The following HOXA11 variants were observed in gnomAD, a reference collection of about 807,000 sequenced individuals.
HOXA11 encodes the protein homeobox protein Hox-A11.
Under a neutral mutation model 22.5 loss-of-function variants are expected in HOXA11, and 8 were observed. The ratio of observed to expected loss-of-function variants is 0.36; its 90% CI spans 0.21 to 0.64. The LOEUF (loss-of-function observed/expected upper bound fraction) is 0.64, where lower values mean the gene tolerates loss of function less well. Ranked by LOEUF, HOXA11 falls within the 30% of genes least tolerant of loss-of-function variation. The probability of loss-of-function intolerance (pLI) is 0.67; values close to 1 mark genes in which losing one functional copy is unlikely to be tolerated. For missense variants in HOXA11, 388 were observed against 429.0 expected, an observed-to-expected ratio of 0.90 and a Z score of 0.84; for synonymous variants, 211 against 188.4, an observed-to-expected ratio of 1.12 and a Z score of -0.98.
rs1166430826 is a variant in HOXA11, at chr7:27,185,188, G to T, written c.-44C>A. The T allele has an allele frequency of 6.2e-7, 1 of 1,612,744 alleles. No individual in the cohort carries two copies. Among genetic ancestry groups the T allele is most frequent in the Non-Finnish European group, 8.5e-7 (1 of 1,179,836 alleles). On this transcript the variant is annotated 5_prime_UTR_variant, in exon 1 of 2. Transcript: ENST00000006015. ...TCTCCGCAGTAGCCGAGCTTAACAT[G>T]ATTCTCCACTGCAGCTGCCTCTTTG...
In HOXA11 at chr7:27,185,231, A is replaced by C. The variant is rs1229869687; in HGVS notation, c.-87T>G. 1 of 1,568,828 alleles carries C rather than the reference A, an allele frequency of 6.4e-7. No individual in the cohort carries two copies. The highest frequency in any genetic ancestry group is 1.1e-5 in the South Asian group (1 of 89,436). On this transcript the variant is annotated 5_prime_UTR_variant, in exon 1 of 2. Transcript: ENST00000006015. ...CCTCTTTGAAGCGGATCCGTGAAGT[A>C]GAAATTTGGAGACGTAAGCTGACGT... is the stretch of plus-strand genomic sequence containing the variant.
chr7:27,184,314 A>T (rs1783821046), intron 1 of HOXA11, 122 bp downstream of exon 1: 2 of 936,232 alleles, frequency 2.1e-6, no homozygotes, highest in East Asian at 3.2e-5. Flanking sequence ...GTTGGGGGAA[A>T]CCTAAAGGCC....
chr7:27,183,836 A>G (rs1380920294), intron 1 of HOXA11, among the ~76,000 whole-genome samples: 1 of 151,618 alleles, frequency 6.6e-6, no homozygotes, highest in East Asian at 1.9e-4. Context: ...AATAACATGC[A>G]GTTGGGCAGA....
At chr7:27,183,619 T>C (rs569093172) in intron 1 of HOXA11, among the ~76,000 whole-genome samples, 1 of 152,178 alleles carries the variant, frequency 6.6e-6, no homozygotes, top group Non-Finnish European at 1.5e-5. Context: ...CCCCCTACCC[T>C]AGGCCTTCGC....
rs950083952 is a variant in HOXA11 at position 27,182,157 on chromosome 7, A to G, written c.*639T>C. ...AGGTGGGCTGTAGGAGGCGGTGGCTAGGAACTCAGGGCTGGATCAGTGTGG... is the reference window on the plus strand; with the variant it reads ...AGGTGGGCTGTAGGAGGCGGTGGCTGGGAACTCAGGGCTGGATCAGTGTGG... On this transcript the variant is annotated 3_prime_UTR_variant, in exon 2 of 2. Transcript: ENST00000006015. 5 of 237,504 alleles carry G rather than the reference A, an allele frequency of 2.1e-5. No homozygotes were observed. The highest frequency in any genetic ancestry group is 6.0e-5 in the East Asian group (1 of 16,668). The allele number at this position is 237,504 out of a possible 1,614,324, so 14.7% of individuals were successfully genotyped here.
intron 1 of HOXA11, 118 bp downstream of exon 1, chr7:27,184,318 A>G (rs1783821111): frequency 2.0e-6 from 2 of 1,003,172 alleles, no homozygotes; most frequent in Non-Finnish European, 2.9e-6. Context: ...GGGGAAACCT[A>G]AAGGCCCTTC....
rs1048331151 is a variant in HOXA11, at chr7:27,181,169, C to T, written c.*1627G>A. Among the ~76,000 whole-genome samples the T allele has an allele frequency of 3.1e-5, 4 of 130,448 alleles. No individual in the cohort carries two copies. The highest frequency in any genetic ancestry group is 1.2e-4 in the African/African-American group (4 of 34,702). The allele number at this position is 130,448 out of a possible 152,430, so 85.6% of individuals were successfully genotyped here. ...CACACCAGGATACTCAAATTTCCACCGTCTTTATTTTCCTTGTGCCCAGTT... is the reference window on the plus strand; with the variant it reads ...CACACCAGGATACTCAAATTTCCACTGTCTTTATTTTCCTTGTGCCCAGTT... On this transcript the variant is annotated 3_prime_UTR_variant, in exon 2 of 2. Coordinates refer to ENST00000006015, the MANE Select transcript of HOXA11 (RefSeq NM_005523.6).
chr7:27,184,782 T>A lies in HOXA11; in HGVS notation c.363A>T (p.Ala121=). ...CGGTGCTATAGAAATTGGACGAGACTGCGGGGGTGGGGTGGTGGTAGACGT... is the reference window on the plus strand; with the variant it reads ...CGGTGCTATAGAAATTGGACGAGACAGCGGGGGTGGGGTGGTGGTAGACGT... ...SANVYHHPTP[A]VSSNFYSTVG... Residue 121 remains alanine, a synonymous_variant, in exon 1 of 2, where the codon GCA becomes GCT. Transcript: ENST00000006015. 1 of 1,613,864 alleles carries A rather than the reference T, an allele frequency of 6.2e-7. No individual in the cohort carries two copies. Among genetic ancestry groups the A allele is most frequent in the Non-Finnish European group, 8.5e-7 (1 of 1,179,948 alleles).
chr7:27,185,063 A>G lies in HOXA11; in HGVS notation c.82T>C (p.Ser28Pro). Residue 28 changes from serine to proline, a missense_variant, in exon 1 of 2, where the codon TCC (serine) becomes CCC (proline). Ser to Pro is a moderately conservative substitution (Grantham distance 74). Around this residue, in one of 4 missense-constraint regions of HOXA11, gnomAD observed 12 missense variants for 30.6 expected, o/e 0.39. Coordinates refer to ENST00000006015, the MANE Select transcript of HOXA11 (RefSeq NM_005523.6). The part of the protein sequence containing the change: ...CTYYVSGPDF[S>P]SLPSFLPQTP... The stretch of plus-strand genomic sequence containing the variant: ...TGGGGCAGAAAAGAAGGGAGGCTGG[A>G]GAAATCTGGACCCGAGACGTAGTAA... The G allele has an allele frequency of 6.2e-7, 1 of 1,614,182 alleles. No homozygotes were observed. Among genetic ancestry groups the G allele is most frequent in the South Asian group, 1.1e-5 (1 of 91,084 alleles).
In HOXA11 at chr7:27,184,798, T is replaced by C. The variant is rs1583441700; in HGVS notation, c.347A>G (p.His116Arg). The C allele has an allele frequency of 6.2e-7, 1 of 1,613,780 alleles. No individual in the cohort carries two copies. Among genetic ancestry groups the C allele is most frequent in the Middle Eastern group, 1.7e-4 (1 of 6,060 alleles). ...GGACGAGACTGCGGGGGTGGGGTGG[T>C]GGTAGACGTTGGCCGAGCTCTTGGC... is the stretch of plus-strand genomic sequence containing the variant. Reference protein sequence around the residue: ...VLAKSSANVYHHPTPAVSSNF... With the variant: ...VLAKSSANVYRHPTPAVSSNF... The change falls in exon 1 of 2, where the codon CAC (histidine) becomes CGC (arginine). Residue 116 changes from histidine to arginine, a missense_variant. By Grantham distance (29) the His-to-Arg change is conservative. Transcript: ENST00000006015.
At position 27,184,576 on chromosome 7, in the gene HOXA11, G is replaced by A. The variant is rs1341976856; in HGVS notation, c.569C>T (p.Ser190Leu). The A allele has an allele frequency of 6.7e-7, 1 of 1,501,490 alleles. No individual in the cohort carries two copies. The highest frequency in any genetic ancestry group is 2.2e-5 in the Admixed American group (1 of 45,234). The allele number at this position is 1,501,490 out of a possible 1,614,324, so 93.0% of individuals were successfully genotyped here. ...GCCGCCGCCGCCGCTGTCCGAACTTGAAGTTGCCGGCGCGCCCGTTGCAGC... is the reference window on the plus strand; with the variant it reads ...GCCGCCGCCGCCGCTGTCCGAACTTAAAGTTGCCGGCGCGCCCGTTGCAGC... ...AAAATGAPATSSSDSGGGGGC... is the reference protein window; with the variant it reads ...AAAATGAPATLSSDSGGGGGC... The change falls in exon 1 of 2, where the codon TCA becomes TTA. Residue 190 changes from serine (S) to leucine (L), a missense_variant. Transcript: ENST00000006015.
chr7:27,184,334 C>A (rs996900786), intron 1 of HOXA11, 102 bp downstream of exon 1: 2 of 1,206,014 alleles, frequency 1.7e-6, no homozygotes, highest in Non-Finnish European at 2.4e-6. Context: ...CCTTCATAAA[C>A]CTTATATGCT....
chr7:27,183,560 C>A (rs1299708347), intron 1 of HOXA11, among the ~76,000 whole-genome samples: 1 of 152,166 alleles, frequency 6.6e-6, no homozygotes, highest in Non-Finnish European at 1.5e-5. Flanking sequence ...GCTTCTGCCT[C>A]CCCGGCCAGC....
At position 27,181,836 on chromosome 7, in the gene HOXA11, C is replaced by T. The variant is rs188759036; in HGVS notation, c.*960G>A. ...GAGGGCTGAGTGTGGTGCTGGAACC[C>T]GGTGTTTTGGGGGACTCAAGGCCCT... On this transcript the variant is annotated 3_prime_UTR_variant, in exon 2 of 2. Coordinates refer to ENST00000006015, the MANE Select transcript of HOXA11 (RefSeq NM_005523.6). The T allele has an allele frequency of 7.4e-5, 16 of 217,372 alleles. No individual in the cohort carries two copies. Among genetic ancestry groups the T allele is most frequent in the Admixed American group, 1.2e-4 (2 of 17,216 alleles). 13.5% of individuals were successfully genotyped at this position (217,372 alleles called of 1,614,324 possible). A position where few individuals can be genotyped will look rare whatever the true frequency, so the allele number is the denominator to read the frequency against.
rs1396215804 is a variant in HOXA11 at position 27,182,670 on chromosome 7, TCCATGCATC to T, written c.*117_*125del. On this transcript the variant is annotated 3_prime_UTR_variant, in exon 2 of 2. Coordinates refer to ENST00000006015, the MANE Select transcript of HOXA11 (RefSeq NM_005523.6). The stretch of plus-strand genomic sequence containing the variant: ...CCAGACCACCTCCTGTGGGGCTATC[TCCATGCATC>T]CCTCTCTTGCACACCTCTTTTCAAA... The T allele has an allele frequency of 2.2e-5, 16 of 741,140 alleles. No homozygotes were observed. Among genetic ancestry groups the T allele is most frequent in the Admixed American group, 1.1e-4 (6 of 52,720 alleles). The allele number at this position is 741,140 out of a possible 1,614,324, so 45.9% of individuals were successfully genotyped here.
At chr7:27,183,153 G>GC in intron 1 of HOXA11, 125 bp from the exon 2 acceptor site, 1 of 673,478 alleles carries the variant, frequency 1.5e-6, no homozygotes, top group Non-Finnish European at 2.5e-6. Flanking sequence ...GTCAAAGTCT[G>GC]CCCAGGCCCC....
At position 27,182,718 on chromosome 7, in the gene HOXA11, C is replaced by G. The variant is rs1045410394; in HGVS notation, c.*78G>C. 5 of 933,772 alleles carry G rather than the reference C, an allele frequency of 5.4e-6. No homozygotes were observed. The highest frequency in any genetic ancestry group is 8.9e-6 in the Non-Finnish European group (5 of 560,372). 57.8% of individuals were successfully genotyped at this position (933,772 alleles called of 1,614,324 possible). ...CCTCTTTTCAAAAGTCACCATGTGG[C>G]TTGACTTTGTCAAGGGCAAAATCTG... On this transcript the variant is annotated 3_prime_UTR_variant, in exon 2 of 2. Transcript: ENST00000006015.
rs10244326 is a variant in HOXA11 at position 27,181,189 on chromosome 7, C to T, written c.*1607G>A. Among the ~76,000 whole-genome samples, 161 of 152,242 alleles carry T rather than the reference C, an allele frequency of 1.1e-3. No homozygotes were observed. The highest frequency in any genetic ancestry group is 2.0e-3 in the Non-Finnish European group (134 of 68,028). On this transcript the variant is annotated 3_prime_UTR_variant, in exon 2 of 2. Transcript: ENST00000006015. ...TCCACCGTCTTTATTTTCCTTGTGCCCAGTTGCCTGTATAAGTGCTGCAAC... is the reference window on the plus strand; with the variant it reads ...TCCACCGTCTTTATTTTCCTTGTGCTCAGTTGCCTGTATAAGTGCTGCAAC...
chr7:27,184,566 G>A lies in HOXA11; in HGVS notation c.579C>T (p.Asp193=), dbSNP rs779977035. The change falls in exon 1 of 2, where the codon GAC becomes GAT. Residue 193 remains aspartate (D), a synonymous_variant. Coordinates refer to ENST00000006015, the MANE Select transcript of HOXA11 (RefSeq NM_005523.6). ...ATGAPATSSS[D]SGGGGGCRET... ...CCCGGCAGCCGCCGCCGCCGCCGCT[G>A]TCCGAACTTGAAGTTGCCGGCGCGC... 1.5e-5 allele frequency: 23 copies of A among 1,506,536 alleles called. No individual in the cohort carries two copies. The highest frequency in any genetic ancestry group is 2.0e-5 in the Non-Finnish European group (22 of 1,125,934). 93.3% of individuals were successfully genotyped at this position (1,506,536 alleles called of 1,614,324 possible).
Sources: gnomAD v4.1 joint callset for allele counts (sites outside exome capture counted in the v4.1 genomes callset) on GRCh38, gnomAD v4.1.1 for gene constraint, gnomAD v4.1.1 regional missense constraint, MANE v1.5 for transcripts, NCBI Gene and HGNC (gene_info 2026-07-23, HGNC 2026-07-21) for gene names.